The following TBCK variants were observed in gnomAD, a reference collection of about 807,000 sequenced individuals.
The protein encoded by TBCK is TBC domain-containing protein kinase-like protein.
Under a neutral mutation model 113.4 loss-of-function variants are expected in TBCK, and 99 were observed. That is an observed-to-expected ratio of 0.87 (90% CI 0.74 to 1.03). TBCK has a LOEUF of 1.03. TBCK is among the 50% of genes least tolerant of loss of function. The pLI is 0.00. For missense variants in TBCK, 1,045 were observed against 1,061.3 expected, an observed-to-expected ratio of 0.98 and a Z score of 0.21; for synonymous variants, 369 against 370.8, an observed-to-expected ratio of 1.00 and a Z score of 0.05.
intron 25 of TBCK, among the ~76,000 whole-genome samples, chr4:106,093,212 A>G (rs909450351): frequency 6.6e-6 from 1 of 152,206 alleles, no homozygotes; most frequent in Admixed American, 6.5e-5. Context: ...ATTTAGTGTC[A>G]AAAGTTAATC....
At chr4:106,270,758 C>T (rs963047657) in intron 3 of TBCK, among the ~76,000 whole-genome samples, 9 of 152,240 alleles carry the variant, frequency 5.9e-5, no homozygotes, top group African/African-American at 2.2e-4. Flanking sequence ...CTTATTACAG[C>T]ATCTGCAAGA....
intron 23 of TBCK, among the ~76,000 whole-genome samples, chr4:106,143,559 T>A (rs1342611960): frequency 1.3e-5 from 2 of 152,230 alleles, no homozygotes; most frequent in African/African-American, 2.4e-5. Context: ...TGAAAAAAAA[T>A]TTGATTTTTA....
chr4:106,077,931 A>C lies in TBCK; in HGVS notation c.2571+17551T>G, dbSNP rs74783183. Among the ~76,000 whole-genome samples, 498 of 152,366 alleles carry C rather than the reference A, an allele frequency of 3.3e-3. 2 individuals are homozygous for C. The highest frequency in any genetic ancestry group is 0.011 in the African/African-American group (476 of 41,584). ...AAAGAAAGTTTCAACAAATTAAAAA[A>C]ATTGAAATCATACCAAACACATTCT... On this transcript the variant is annotated intron_variant, in intron 25 of 25. Coordinates refer to ENST00000394708, the MANE Select transcript of TBCK (RefSeq NM_001163435.3).
At chr4:106,090,501 A>G (rs1740091332) in intron 25 of TBCK, among the ~76,000 whole-genome samples, 1 of 152,136 alleles carries the variant, frequency 6.6e-6, no homozygotes, top group Admixed American at 6.5e-5. Context: ...TAATCTCTCT[A>G]GCAAATGGTT....
Position 106,231,764 on chromosome 4 carries a change from C to G in TBCK, c.1655G>C (p.Cys552Ser). 6.2e-7 allele frequency: 1 copy of G among 1,609,588 alleles called. No homozygotes were observed. Residue 552 changes from cysteine (C) to serine (S), a missense_variant, in exon 18 of 26, where the codon TGT becomes TCT. Physicochemically the swap from Cys to Ser is moderately radical, Grantham distance 112. Transcript: ENST00000394708. ...LVYWQGLDSL[C>S]APFLYLNFNN... ...GAAGTTTAGATATAGGAATGGAGCA[C>G]AAAGTGAGTCAAGACCTAACACAGA...
intron 23 of TBCK, among the ~76,000 whole-genome samples, chr4:106,168,342 T>C (rs1472175882): frequency 6.6e-6 from 1 of 151,868 alleles, no homozygotes; most frequent in African/African-American, 2.4e-5. Flanking sequence ...AAAGAGACCT[T>C]ACTCAACTTG....
chr4:106,121,506 G>C (rs551934519), intron 23 of TBCK, among the ~76,000 whole-genome samples: 2 of 150,562 alleles, frequency 1.3e-5, no homozygotes, highest in East Asian at 3.9e-4. Flanking sequence ...ATTGAACTCA[G>C]CTCTGCACCA....
intron 23 of TBCK, among the ~76,000 whole-genome samples, chr4:106,155,712 T>C (rs1006123320): frequency 1.4e-4 from 21 of 151,914 alleles, no homozygotes; most frequent in Admixed American, 9.8e-4. Flanking sequence ...TTTTCAAGTA[T>C]AGAATTCCTG....
intron 3 of TBCK, among the ~76,000 whole-genome samples, chr4:106,279,598 C>T (rs1764377414): frequency 6.6e-6 from 1 of 152,048 alleles, no homozygotes; most frequent in South Asian, 2.1e-4. Flanking sequence ...CTATTTCATC[C>T]CCACAGCCCC....
chr4:106,058,826 C>A (rs1401426194), intron 25 of TBCK, among the ~76,000 whole-genome samples: 1 of 151,664 alleles, frequency 6.6e-6, no homozygotes, highest in Non-Finnish European at 1.5e-5. Context: ...AAAGCTCAGT[C>A]TAGTGTAGGG....
intron 22 of TBCK, among the ~76,000 whole-genome samples, chr4:106,174,327 A>T (rs1043147829): frequency 6.6e-6 from 1 of 152,132 alleles, no homozygotes; most frequent in African/African-American, 2.4e-5. Context: ...CACAGGAGGT[A>T]AACTATTCAA....
chr4:106,142,702 G>T (rs758779134), intron 23 of TBCK, among the ~76,000 whole-genome samples: 1 of 152,108 alleles, frequency 6.6e-6, no homozygotes, highest in African/African-American at 2.4e-5. Context: ...GAACTTTAAG[G>T]CTGCATAAGG....
chr4:106,216,772 G>A (rs1346932372), intron 19 of TBCK, among the ~76,000 whole-genome samples: 5 of 151,558 alleles, frequency 3.3e-5, no homozygotes, highest in African/African-American at 7.3e-5. Flanking sequence ...ATTCACAGCC[G>A]AATTCTACCA....
At chr4:106,271,333 T>C (rs982136309) in intron 3 of TBCK, among the ~76,000 whole-genome samples, 2 of 152,168 alleles carry the variant, frequency 1.3e-5, no homozygotes, top group African/African-American at 2.4e-5. Context: ...TCACAAAAAA[T>C]ATAATATTAA....
intron 10 of TBCK, 35 bp downstream of exon 10, chr4:106,247,104 C>T (rs1174426263): frequency 6.3e-7 from 1 of 1,586,542 alleles, no homozygotes; most frequent in Middle Eastern, 1.7e-4. Flanking sequence ...AAAAACAAGG[C>T]TCATATTATT....
chr4:106,303,401 C>A (rs540296839), intron 2 of TBCK, among the ~76,000 whole-genome samples: 200 of 152,082 alleles, frequency 1.3e-3, no homozygotes, highest in African/African-American at 4.7e-3. Context: ...TTTCATTATT[C>A]AGCAAACACA....
At chr4:106,152,331 A>G (rs1295252539) in intron 23 of TBCK, among the ~76,000 whole-genome samples, 1 of 152,054 alleles carries the variant, frequency 6.6e-6, no homozygotes, top group Non-Finnish European at 1.5e-5. Flanking sequence ...TCCAGTATCA[A>G]TTGAAATGTT....
intron 23 of TBCK, among the ~76,000 whole-genome samples, chr4:106,137,230 AAAG>A (rs1746661535): frequency 1.4e-5 from 2 of 140,936 alleles, no homozygotes; most frequent in Non-Finnish European, 3.2e-5. Context: ...TTTAAAGAAA[AAAG>A]AAAAAAAATT....
At chr4:106,202,154 T>C (rs1178899693) in intron 20 of TBCK, among the ~76,000 whole-genome samples, 1 of 147,000 alleles carries the variant, frequency 6.8e-6, no homozygotes, top group East Asian at 2.0e-4. Flanking sequence ...GGTAACCTCA[T>C]TAAGTCATAT....
Sources: allele counts gnomAD v4.1 joint callset (sites outside exome capture counted in the v4.1 genomes callset), GRCh38; gene constraint gnomAD v4.1.1; transcripts MANE v1.5; gene names NCBI Gene and HGNC (gene_info 2026-07-23, HGNC 2026-07-21).